ASTN2: variants seen among roughly 807,000 people sequenced by gnomAD.
The protein encoded by ASTN2 is astrotactin 2.
ASTN2 carries 54 observed loss-of-function variants against 139.8 expected under a neutral mutation model. The ratio of observed to expected loss-of-function variants is 0.39; its 90% CI spans 0.31 to 0.48. The LOEUF (loss-of-function observed/expected upper bound fraction) is 0.48. Ranked by LOEUF, ASTN2 falls within the 20% of genes least tolerant of loss-of-function variation. ASTN2 has a pLI of 0.95. For synonymous variants in ASTN2, 756 were observed against 719.5 expected (o/e 1.05, Z -0.81); for missense variants, 1,565 against 1,725.1 (o/e 0.91, Z 1.64).
chr9:116,883,058 G>A (rs767003339), intron 10 of ASTN2, among the ~76,000 whole-genome samples: 1 of 152,150 alleles, frequency 6.6e-6, no homozygotes, highest in Non-Finnish European at 1.5e-5. Context: ...GGAAAAATGA[G>A]CAATGCAGAT....
intron 21 of ASTN2, among the ~76,000 whole-genome samples, chr9:116,441,606 C>T (rs928804154): frequency 6.6e-6 from 1 of 151,984 alleles, no homozygotes; most frequent in Non-Finnish European, 1.5e-5. Context: ...TTTGGTAGCA[C>T]ATAAAACATT....
chr9:117,158,406 A>G (rs1302605655), intron 3 of ASTN2, among the ~76,000 whole-genome samples: 2 of 152,084 alleles, frequency 1.3e-5, no homozygotes, highest in South Asian at 2.1e-4. Flanking sequence ...TTGGAATGCT[A>G]TATAAGTATG....
chr9:116,487,386 T>C lies in ASTN2; in HGVS notation c.3470A>G (p.Lys1157Arg). The C allele has an allele frequency of 1.2e-6, 2 of 1,614,010 alleles. No homozygotes were observed. Among genetic ancestry groups the C allele is most frequent in the Non-Finnish European group, 1.7e-6 (2 of 1,179,962 alleles). ...GTAGAGACCGTCGGGCTCCAGACAC[T>C]TGAAGATGACTGAGTAGATACTGAC... ...PEVSIYSVIF[K>R]CLEPDGLYKF... The change falls in exon 20 of 23, where the codon AAG becomes AGG. Residue 1157 changes from lysine (K) to arginine (R), a missense_variant. Transcript: ENST00000313400.
At position 117,375,973 on chromosome 9, in the gene ASTN2, G is replaced by A. The variant is rs150245173; in HGVS notation, c.442+38524C>T. On this transcript the variant is annotated intron_variant, in intron 1 of 22. Coordinates refer to ENST00000313400, the MANE Select transcript of ASTN2 (RefSeq NM_001365068.1). Reference sequence around the variant, plus strand: ...TGTCTATCTTCACATCCCCCTCGATGAGTCTAATGCCACTGCCTGATTCTT... The same window carrying A: ...TGTCTATCTTCACATCCCCCTCGATAAGTCTAATGCCACTGCCTGATTCTT... Among the ~76,000 whole-genome samples, 409 of 152,180 alleles carry A rather than the reference G, an allele frequency of 2.7e-3. 2 individuals are homozygous for A. Among genetic ancestry groups the A allele is most frequent in the African/African-American group, 9.6e-3 (398 of 41,520 alleles).
intron 19 of ASTN2, among the ~76,000 whole-genome samples, chr9:116,506,740 T>A (rs1850127449): frequency 6.6e-6 from 1 of 152,202 alleles, no homozygotes; most frequent in African/African-American, 2.4e-5. Context: ...TTCCGCTCTA[T>A]AAAGTGATGA....
At chr9:117,008,340 A>C (rs1837419975) in intron 6 of ASTN2, 81 bp from the exon 7 acceptor site, 1 of 1,302,798 alleles carries the variant, frequency 7.7e-7, no homozygotes, top group Non-Finnish European at 1.0e-6. Flanking sequence ...AAAGGTGTGT[A>C]CAAGCCACGT....
chr9:116,675,025 C>T (rs1326318520), intron 16 of ASTN2, among the ~76,000 whole-genome samples: 1 of 152,100 alleles, frequency 6.6e-6, no homozygotes, highest in Admixed American at 6.5e-5. Context: ...CAAGGTGAAC[C>T]CCCTGGGCAG....
At chr9:116,825,876 T>G (rs1831609617) in intron 11 of ASTN2, among the ~76,000 whole-genome samples, 1 of 152,176 alleles carries the variant, frequency 6.6e-6, no homozygotes, top group African/African-American at 2.4e-5. Context: ...GGGCACTATT[T>G]TGAGAGCCAA....
chr9:117,275,925 G>A (rs1335475552), intron 2 of ASTN2, among the ~76,000 whole-genome samples: 1 of 152,060 alleles, frequency 6.6e-6, no homozygotes, highest in Non-Finnish European at 1.5e-5. Flanking sequence ...CTTAAAGGCT[G>A]TATCTCCTAA....
intron 7 of ASTN2, among the ~76,000 whole-genome samples, chr9:116,988,194 C>G (rs1008158396): frequency 6.6e-6 from 1 of 152,146 alleles, no homozygotes; most frequent in Non-Finnish European, 1.5e-5. Flanking sequence ...AGAAGACAGG[C>G]AATGGAGTCA....
chr9:116,685,780 G>T (rs755947560), intron 16 of ASTN2, among the ~76,000 whole-genome samples: 1 of 151,814 alleles, frequency 6.6e-6, no homozygotes, highest in African/African-American at 2.4e-5. Flanking sequence ...GGAGAAGAGA[G>T]ATTTTTTTTT....
chr9:117,159,228 G>A (rs1262200121), intron 3 of ASTN2, among the ~76,000 whole-genome samples: 1 of 151,804 alleles, frequency 6.6e-6, no homozygotes, highest in African/African-American at 2.4e-5. Flanking sequence ...ATTTTTCATG[G>A]AGCATTTTTC....
rs143309803 is a variant in ASTN2, at chr9:116,743,604, C to T, written c.2397-10081G>A. Among the ~76,000 whole-genome samples, 451 of 151,574 alleles carry T rather than the reference C, an allele frequency of 3.0e-3. 1 individual carries two copies. Among genetic ancestry groups the T allele is most frequent in the African/African-American group, 0.01 (424 of 41,324 alleles). On this transcript the variant is annotated intron_variant, in intron 13 of 22. Coordinates refer to ENST00000313400, the MANE Select transcript of ASTN2 (RefSeq NM_001365068.1). ...TCGGCTCACTGAAACCTCCATCTCC[C>T]GGGTTCAAGCGATTCGCCTGCCTCC...
intron 1 of ASTN2, among the ~76,000 whole-genome samples, chr9:117,340,534 G>C (rs914821846): frequency 2.0e-5 from 3 of 151,888 alleles, no homozygotes; most frequent in Admixed American, 6.6e-5. Flanking sequence ...AAGACCTGTG[G>C]GGGGAATGAA....
chr9:116,978,473 T>G (rs987606393), intron 7 of ASTN2, among the ~76,000 whole-genome samples: 6 of 135,118 alleles, frequency 4.4e-5, no homozygotes, highest in Non-Finnish European at 4.7e-5. Context: ...TGTATGTATC[T>G]CTCTCTCTCT....
chr9:117,133,164 GA>G (rs1412805752), intron 4 of ASTN2, among the ~76,000 whole-genome samples: 2 of 152,192 alleles, frequency 1.3e-5, no homozygotes, highest in African/African-American at 4.8e-5. Context: ...AGTTGGGGGA[GA>G]CCTGTGGAAA....
At chr9:117,246,619 G>A (rs1474761463) in intron 2 of ASTN2, among the ~76,000 whole-genome samples, 5 of 152,288 alleles carry the variant, frequency 3.3e-5, no homozygotes, top group Middle Eastern at 3.4e-3. Flanking sequence ...AGTGGAACTC[G>A]GATTTCCCAT....
chr9:116,902,462 T>C (rs1834036826), intron 10 of ASTN2, among the ~76,000 whole-genome samples: 1 of 152,220 alleles, frequency 6.6e-6, no homozygotes. Flanking sequence ...TACCATATTT[T>C]GGTGTACATT....
chr9:116,426,556 C>T (rs896589916), intron 22 of ASTN2, among the ~76,000 whole-genome samples: 2 of 152,160 alleles, frequency 1.3e-5, no homozygotes, highest in Non-Finnish European at 1.5e-5. Context: ...TCAAGCAAGG[C>T]TCAGAATAAT....
Sources: gnomAD v4.1 joint callset for allele counts (sites outside exome capture counted in the v4.1 genomes callset) on GRCh38, gnomAD v4.1.1 for gene constraint, MANE v1.5 for transcripts, NCBI Gene and HGNC (gene_info 2026-07-23, HGNC 2026-07-21) for gene names.